Variants in IPPK observed in about 807,000 individuals in gnomAD.
IPPK encodes inositol-pentakisphosphate 2-kinase.
Under a neutral mutation model 64.6 loss-of-function variants are expected in IPPK, and 22 were observed. That is an observed-to-expected ratio of 0.34 (90% confidence interval 0.24 to 0.49). IPPK has a LOEUF of 0.49. Among genes scored for constraint, IPPK ranks in the 20% least tolerant of loss-of-function variants. IPPK has a pLI of 0.99. For synonymous variants in IPPK, 262 were observed against 247.2 expected, an observed-to-expected ratio of 1.06 and a Z score of -0.56; for missense variants, 532 against 630.7, an observed-to-expected ratio of 0.84 and a Z score of 1.68.
chr9:92,639,249 A>G (rs1381810987), intron 8 of IPPK, among the ~76,000 whole-genome samples: 1 of 151,968 alleles, frequency 6.6e-6, no homozygotes, highest in African/African-American at 2.4e-5. Flanking sequence ...GGGTTTTGCT[A>G]CGTTGCCCAG....
At position 92,664,246 on chromosome 9, in the gene IPPK, C is replaced by T. The variant is rs567978705; in HGVS notation, c.82-5565G>A. ...ACTGGGCTCCAACAGGAAGCGCTCCCAAGGGTGAGCTTCGCTTCACTGGGA... is the reference window on the plus strand; with the variant it reads ...ACTGGGCTCCAACAGGAAGCGCTCCTAAGGGTGAGCTTCGCTTCACTGGGA... On this transcript the variant is annotated intron_variant, in intron 1 of 12. Coordinates refer to ENST00000287996, the MANE Select transcript of IPPK (RefSeq NM_022755.6). 9.2e-5 allele frequency among the ~76,000 whole-genome samples: 14 copies of T among 152,306 alleles called. No homozygotes were observed. The East Asian group carries it at 2.7e-3, about 29-fold the overall frequency.
chr9:92,640,070 G>A (rs1029061981), intron 8 of IPPK, among the ~76,000 whole-genome samples: 6 of 152,204 alleles, frequency 3.9e-5, no homozygotes, highest in South Asian at 4.1e-4. Flanking sequence ...ATCCACCTGC[G>A]ATGGCTGTCA....
intron 1 of IPPK, among the ~76,000 whole-genome samples, chr9:92,666,125 C>T (rs562805598): frequency 2.0e-5 from 3 of 152,278 alleles, no homozygotes; most frequent in Admixed American, 2.0e-4. Context: ...AAAGTCTTTC[C>T]TGTCACCTCT....
chr9:92,666,918 GCT>G (rs1412460324), intron 1 of IPPK, among the ~76,000 whole-genome samples: 2 of 152,092 alleles, frequency 1.3e-5, no homozygotes, highest in South Asian at 2.1e-4. Context: ...TGCACAGAAG[GCT>G]CTCTCTCATC....
At chr9:92,653,503 A>G (rs1472698556) in intron 3 of IPPK, among the ~76,000 whole-genome samples, 1 of 152,248 alleles carries the variant, frequency 6.6e-6, no homozygotes, top group Non-Finnish European at 1.5e-5. Context: ...AACTTAGTAC[A>G]GAATTAGGTA....
intron 11 of IPPK, among the ~76,000 whole-genome samples, chr9:92,629,736 G>T (rs1013558750): frequency 6.7e-6 from 1 of 150,004 alleles, no homozygotes; most frequent in Non-Finnish European, 1.5e-5. Context: ...GTAGGCAAAG[G>T]ATCTGAATAG....
At chr9:92,619,740 A>G in intron 11 of IPPK, 175 bp from the exon 12 acceptor site, 1 of 630,104 alleles carries the variant, frequency 1.6e-6, no homozygotes, top group Non-Finnish European at 2.9e-6. Flanking sequence ...CTGTGAGAGC[A>G]CCTGGGCCAG....
Position 92,638,150 on chromosome 9 carries a change from G to A in IPPK, c.767C>T (p.Ala256Val). 1.2e-6 allele frequency: 2 copies of A among 1,614,258 alleles called. No individual in the cohort carries two copies. Among genetic ancestry groups the A allele is most frequent in the Non-Finnish European group, 1.7e-6 (2 of 1,180,044 alleles). ...CACGTGCACCAGCTCCCTGATCACA[G>A]CCCTTGTGCAGTGGGGCCCACTGGC... ...GLASGPHCTR[A>V]VIRELVHVIT... Residue 256 changes from alanine (A) to valine (V), a missense_variant, in exon 9 of 13, where the codon GCT becomes GTT. Coordinates refer to ENST00000287996, the MANE Select transcript of IPPK (RefSeq NM_022755.6).
intron 8 of IPPK, among the ~76,000 whole-genome samples, chr9:92,640,256 C>T (rs920384731): frequency 1.3e-5 from 2 of 152,140 alleles, no homozygotes; most frequent in African/African-American, 4.8e-5. Context: ...CCCCTCTCTC[C>T]CCAGCAGCCT....
At chr9:92,638,409 G>A in intron 8 of IPPK, 129 bp from the exon 9 acceptor site, 1 of 1,041,030 alleles carries the variant, frequency 9.6e-7, no homozygotes, top group South Asian at 1.6e-5. Flanking sequence ...CACCCAATCT[G>A]GGGCCGCTGC....
chr9:92,651,891 C>CAT lies in IPPK; in HGVS notation c.292+680_292+681dup, dbSNP rs200252152. ...CCACTACGCCCAGCTAATTTTTGTA[C>CAT]ATATATATATTTTGTTTGTTTGTTT... is the stretch of plus-strand genomic sequence containing the variant. On this transcript the variant is annotated intron_variant, in intron 4 of 12. Transcript: ENST00000287996. 1.0e-2 allele frequency among the ~76,000 whole-genome samples: 1,516 copies of CAT among 151,912 alleles called. 29 individuals are homozygous for CAT. The highest frequency in any genetic ancestry group is 0.035 in the African/African-American group (1,433 of 41,448).
At chr9:92,641,947 G>A (rs545957153) in intron 7 of IPPK, among the ~76,000 whole-genome samples, 15 of 152,238 alleles carry the variant, frequency 9.9e-5, no homozygotes, top group Non-Finnish European at 2.2e-4. Flanking sequence ...GATCAAAAAG[G>A]ACAACAAAGG....
At chr9:92,669,819 G>T in intron 1 of IPPK, 89 bp downstream of exon 1, 3 of 973,982 alleles carry the variant, frequency 3.1e-6, no homozygotes, top group South Asian at 1.4e-5. Flanking sequence ...ACGTGGAACC[G>T]ACCCTGTTGA....
In IPPK at chr9:92,614,679, A is replaced by AAT. The variant is rs1260935844; in HGVS notation, c.*1151_*1152dup. 1 of 152,660 alleles carries AAT rather than the reference A, an allele frequency of 6.6e-6. No individual in the cohort carries two copies. Among genetic ancestry groups the AAT allele is most frequent in the African/African-American group, 2.4e-5 (1 of 41,458 alleles). 9.5% of individuals were successfully genotyped at this position (152,660 alleles called of 1,614,324 possible). On this transcript the variant is annotated 3_prime_UTR_variant, in exon 13 of 13. Coordinates refer to ENST00000287996, the MANE Select transcript of IPPK (RefSeq NM_022755.6). ...TTTCATATAATTCCATGGTTTCACTAATATTATATGTTACAATAAGCCTCC... is the reference window on the plus strand; with the variant it reads ...TTTCATATAATTCCATGGTTTCACTAATATATTATATGTTACAATAAGCCTCC...
chr9:92,614,509 G>GAATT lies in IPPK; in HGVS notation c.*1319_*1322dup, dbSNP rs1851370930. 2 of 152,626 alleles carry GAATT rather than the reference G, an allele frequency of 1.3e-5. No individual in the cohort carries two copies. The highest frequency in any genetic ancestry group is 4.1e-4 in the South Asian group (2 of 4,834). The allele number at this position is 152,626 out of a possible 1,614,324, so 9.5% of individuals were successfully genotyped here. ...GTATCTTTTTGCACCTCTGAGAGTA[G>GAATT]AATTAGAAGTAAATATGACAGAATT... On this transcript the variant is annotated 3_prime_UTR_variant, in exon 13 of 13. Coordinates refer to ENST00000287996, the MANE Select transcript of IPPK (RefSeq NM_022755.6).
chr9:92,641,188 G>A (rs1852038678), intron 7 of IPPK, among the ~76,000 whole-genome samples: 1 of 152,226 alleles, frequency 6.6e-6, no homozygotes, highest in South Asian at 2.1e-4. Flanking sequence ...GGCAGCAGGA[G>A]ACCTCTGATG....
At chr9:92,629,076 A>G (rs1851785351) in intron 11 of IPPK, among the ~76,000 whole-genome samples, 1 of 152,142 alleles carries the variant, frequency 6.6e-6, no homozygotes. Context: ...TGACAGAGCA[A>G]GACCCGACCC....
intron 1 of IPPK, among the ~76,000 whole-genome samples, chr9:92,659,162 G>A (rs533105526): frequency 3.9e-5 from 6 of 152,288 alleles, no homozygotes; most frequent in Admixed American, 2.6e-4. Flanking sequence ...GCACACACAC[G>A]TATGGGTGTA....
chr9:92,645,099 A>T (rs568875992), intron 6 of IPPK, among the ~76,000 whole-genome samples: 7 of 152,312 alleles, frequency 4.6e-5, no homozygotes, highest in African/African-American at 1.7e-4. Context: ...AGGAACCAAA[A>T]AGAAATTCTG....
Sources: allele counts gnomAD v4.1 joint callset (sites outside exome capture counted in the v4.1 genomes callset), GRCh38; gene constraint gnomAD v4.1.1; transcripts MANE v1.5; gene names NCBI Gene and HGNC (gene_info 2026-07-23, HGNC 2026-07-21).